Variants in SLIT2 observed in about 807,000 individuals in gnomAD.
SLIT2 encodes the protein slit guidance ligand 2.
SLIT2 carries 41 observed loss-of-function variants against 185.7 expected under a neutral mutation model. The observed-to-expected ratio is 0.22, with a 90% CI of 0.17 to 0.29. The LOEUF is 0.29. Ranked by LOEUF, SLIT2 falls within the 10% of genes least tolerant of loss-of-function variation. SLIT2 has a pLI of 1.00. For missense variants in SLIT2, 1,571 were observed against 1,909.0 expected, an observed-to-expected ratio of 0.82 and a Z score of 3.30; for synonymous variants, 693 against 680.2, an observed-to-expected ratio of 1.02 and a Z score of -0.29.
intron 24 of SLIT2, among the ~76,000 whole-genome samples, chr4:20,550,412 A>G (rs1358672855): frequency 6.6e-6 from 1 of 151,762 alleles, no homozygotes; most frequent in Non-Finnish European, 1.5e-5. Context: ...TATCTTATAT[A>G]AGTTGCAAAT....
At chr4:20,319,992 C>A (rs1560313891) in intron 4 of SLIT2, among the ~76,000 whole-genome samples, 1 of 152,058 alleles carries the variant, frequency 6.6e-6, no homozygotes, top group Non-Finnish European at 1.5e-5. Flanking sequence ...CTGTCCTGAT[C>A]CTCATCAGTG....
intron 4 of SLIT2, among the ~76,000 whole-genome samples, chr4:20,314,215 A>C (rs1386147676): frequency 6.6e-6 from 1 of 152,180 alleles, no homozygotes; most frequent in African/African-American, 2.4e-5. Flanking sequence ...CAACTTTCTG[A>C]GTTTTAATTT....
chr4:20,579,274 G>A (rs1264901673), intron 29 of SLIT2, among the ~76,000 whole-genome samples: 1 of 151,308 alleles, frequency 6.6e-6, no homozygotes, highest in African/African-American at 2.4e-5. Flanking sequence ...ACTTTAGCCT[G>A]GGTGACAGAA....
At position 20,484,621 on chromosome 4, in the gene SLIT2, C is replaced by T. The variant is rs890780333; in HGVS notation, c.540-1579C>T. 7.9e-5 allele frequency among the ~76,000 whole-genome samples: 12 copies of T among 152,114 alleles called. No individual in the cohort carries two copies. Among genetic ancestry groups the T allele is most frequent in the East Asian group, 1.9e-4 (1 of 5,200 alleles). ...GACCTCTGAACGCACCATCAATAACCGCAGCCACCAACTGGCCCAGAGTGG... is the reference window on the plus strand; with the variant it reads ...GACCTCTGAACGCACCATCAATAACTGCAGCCACCAACTGGCCCAGAGTGG... On this transcript the variant is annotated intron_variant, in intron 6 of 36. Transcript: ENST00000504154. The surrounding 1 kb of genome is among the most constrained non-coding windows in gnomAD (Gnocchi z 4.3).
At chr4:20,512,937 C>G (rs566911522) in intron 11 of SLIT2, among the ~76,000 whole-genome samples, 1 of 152,056 alleles carries the variant, frequency 6.6e-6, no homozygotes, top group Non-Finnish European at 1.5e-5. Context: ...ATAAATAGAA[C>G]AGTTTATTAT....
At chr4:20,420,728 A>C (rs1391515706) in intron 4 of SLIT2, among the ~76,000 whole-genome samples, 1 of 152,014 alleles carries the variant, frequency 6.6e-6, no homozygotes. Flanking sequence ...TGACACCCTA[A>C]CCTCCAATGC....
chr4:20,561,464 C>T (rs1433921534), intron 26 of SLIT2, among the ~76,000 whole-genome samples: 3 of 151,592 alleles, frequency 2.0e-5, no homozygotes, highest in African/African-American at 7.3e-5. Flanking sequence ...TGTTCTGTGT[C>T]TTAAAATTAT....
At chr4:20,317,353 G>A (rs1482127231) in intron 4 of SLIT2, among the ~76,000 whole-genome samples, 1 of 151,852 alleles carries the variant, frequency 6.6e-6, no homozygotes, top group East Asian at 1.9e-4. Context: ...GTATTTTAAG[G>A]TACCAAAGCA....
At chr4:20,514,452 C>G (rs576752189) in intron 11 of SLIT2, among the ~76,000 whole-genome samples, 1 of 152,010 alleles carries the variant, frequency 6.6e-6, no homozygotes, top group Non-Finnish European at 1.5e-5. Context: ...ACTGGCCTGG[C>G]CAACATGGTG....
intron 6 of SLIT2, among the ~76,000 whole-genome samples, chr4:20,483,002 G>C (rs1007793089): frequency 6.6e-6 from 1 of 151,818 alleles, no homozygotes; most frequent in Non-Finnish European, 1.5e-5. Context: ...GCTTAAGAGA[G>C]GTTGCATGAA....
At chr4:20,530,522 A>G (rs535137068) in intron 16 of SLIT2, among the ~76,000 whole-genome samples, 3 of 152,046 alleles carry the variant, frequency 2.0e-5, no homozygotes, top group Non-Finnish European at 2.9e-5. Context: ...AGCTCAAGCA[A>G]TCCTCCTGCC....
rs181660482 is a variant in SLIT2, at chr4:20,384,627, G to A, written c.396-83125G>A. On this transcript the variant is annotated intron_variant, in intron 4 of 36. Transcript: ENST00000504154. Reference sequence around the variant, plus strand: ...GGTTCAGAGTTGTGGGCTGCTAAATGGATTAAAGCAAACCAAGAAAAGAGC... The same window carrying A: ...GGTTCAGAGTTGTGGGCTGCTAAATAGATTAAAGCAAACCAAGAAAAGAGC... Among the ~76,000 whole-genome samples, 1,223 of 152,146 alleles carry A rather than the reference G, an allele frequency of 8.0e-3. 10 individuals carry two copies. The highest frequency in any genetic ancestry group is 0.041 in the Middle Eastern group (12 of 294).
intron 4 of SLIT2, among the ~76,000 whole-genome samples, chr4:20,460,956 T>C (rs946283807): frequency 2.0e-5 from 3 of 152,248 alleles, no homozygotes; most frequent in African/African-American, 7.2e-5. Flanking sequence ...ATGTAAACAC[T>C]AATTTATATT....
intron 8 of SLIT2, chr4:20,490,957 C>CCCT: frequency 1.6e-6 from 1 of 641,650 alleles, no homozygotes; most frequent in Non-Finnish European, 2.8e-6. Flanking sequence ...TTGGAAAGGG[C>CCCT]AGTCCCCACT....
At chr4:20,360,099 C>T (rs1287845662) in intron 4 of SLIT2, among the ~76,000 whole-genome samples, 12 of 152,100 alleles carry the variant, frequency 7.9e-5, no homozygotes, top group Non-Finnish European at 7.4e-5. Context: ...CTCACTCCCT[C>T]TCTACACTTT....
intron 9 of SLIT2, among the ~76,000 whole-genome samples, chr4:20,506,689 TA>T (rs1252594367): frequency 1.3e-5 from 2 of 151,978 alleles, no homozygotes; most frequent in African/African-American, 4.8e-5. Flanking sequence ...CCCTTTATTC[TA>T]AAGACCCAAA....
Position 20,533,532 on chromosome 4 carries a change from G to C in SLIT2, c.1689-40G>C, listed in dbSNP as rs1374708462. On this transcript the variant is annotated intron_variant, in intron 17 of 36. Coordinates refer to ENST00000504154, the MANE Select transcript of SLIT2 (RefSeq NM_004787.4). ...CTATGTTTCAATTCCCACCTTGTTA[G>C]AAATTATTTAAAACCTTTGTTCCAA... 4 of 1,488,242 alleles carry C rather than the reference G, an allele frequency of 2.7e-6. No individual in the cohort carries two copies. The African/African-American group carries it at 5.6e-5, about 21-fold the overall frequency. 92.2% of individuals were successfully genotyped at this position (1,488,242 alleles called of 1,614,324 possible).
At chr4:20,390,263 A>G (rs981989042) in intron 4 of SLIT2, among the ~76,000 whole-genome samples, 3 of 152,150 alleles carry the variant, frequency 2.0e-5, no homozygotes, top group African/African-American at 7.2e-5. Flanking sequence ...AATATTGTAT[A>G]TAAGTAATAT....
chr4:20,468,344 A>C (rs1714586268), intron 5 of SLIT2, among the ~76,000 whole-genome samples: 1 of 152,094 alleles, frequency 6.6e-6, no homozygotes, highest in African/African-American at 2.4e-5. Context: ...GAGTTTTAAG[A>C]TCACCCTTTG....
Sources: gnomAD v4.1 joint callset for allele counts (sites outside exome capture counted in the v4.1 genomes callset) on GRCh38, gnomAD v4.1.1 for gene constraint, Gnocchi (gnomAD v3.1) non-coding constraint, MANE v1.5 for transcripts, NCBI Gene and HGNC (gene_info 2026-07-23, HGNC 2026-07-21) for gene names.